The following VWA8 variants were observed in gnomAD, a reference collection of about 807,000 sequenced individuals.
The protein encoded by VWA8 is von Willebrand factor A domain-containing protein 8.
In VWA8, 221 loss-of-function variants were observed where a neutral mutation model predicts 241.5. The observed-to-expected ratio is 0.91, with a 90% CI of 0.82 to 1.02. VWA8 has a LOEUF of 1.02. VWA8 is among the 50% of genes least tolerant of loss of function. The probability of loss-of-function intolerance (pLI) is 0.00; values close to 1 mark genes in which losing one functional copy is unlikely to be tolerated. For missense variants in VWA8, 2,322 were observed against 2,328.7 expected (o/e 1.00, Z 0.06); for synonymous variants, 852 against 827.1 (o/e 1.03, Z -0.52).
chr13:41,955,806 G>A (rs1036623951), intron 1 of VWA8: 4 of 152,162 alleles, frequency 2.6e-5, no homozygotes, highest in Admixed American at 2.6e-4. Flanking sequence ...GTAACAAATA[G>A]ATGAGTCTTA....
At chr13:41,644,100 C>G (rs2044814824) in intron 37 of VWA8, among the ~76,000 whole-genome samples, 1 of 152,066 alleles carries the variant, frequency 6.6e-6, no homozygotes, top group African/African-American at 2.4e-5. Context: ...ACAATTTTAG[C>G]ATGGTAGCTG....
chr13:41,579,597 G>A (rs1191895820), intron 42 of VWA8, among the ~76,000 whole-genome samples: 2 of 152,182 alleles, frequency 1.3e-5, no homozygotes, highest in African/African-American at 4.8e-5. Flanking sequence ...ACAACATGGG[G>A]TAATATCTGT....
At chr13:41,870,325 A>G (rs1485640036) in intron 9 of VWA8, among the ~76,000 whole-genome samples, 1 of 152,134 alleles carries the variant, frequency 6.6e-6, no homozygotes, top group African/African-American at 2.4e-5. Flanking sequence ...GACCTACCCA[A>G]GTAATTAAAT....
At chr13:41,603,346 A>C (rs148212351) in intron 40 of VWA8, among the ~76,000 whole-genome samples, 2 of 152,260 alleles carry the variant, frequency 1.3e-5, no homozygotes, top group Middle Eastern at 3.4e-3. Flanking sequence ...GATTGTGAGA[A>C]GTCAGAGCAG....
chr13:41,721,701 T>C (rs1432161947), intron 24 of VWA8, 126 bp from the exon 25 acceptor site: 23 of 963,328 alleles, frequency 2.4e-5, no homozygotes, highest in Non-Finnish European at 2.9e-5. Context: ...CATCCAACAA[T>C]AGGATGGTAC....
intron 37 of VWA8, among the ~76,000 whole-genome samples, chr13:41,657,781 G>A (rs2044919146): frequency 1.3e-5 from 2 of 152,194 alleles, no homozygotes; most frequent in Admixed American, 6.5e-5. Flanking sequence ...GAGCCACCGC[G>A]CCCGGCCAAG....
chr13:41,589,179 A>AAG (rs1352548578), intron 41 of VWA8, among the ~76,000 whole-genome samples: 2 of 152,204 alleles, frequency 1.3e-5, no homozygotes, highest in East Asian at 3.8e-4. Context: ...AGAGCTCACC[A>AAG]AGAGACTCAA....
chr13:41,571,639 C>T (rs1444416417), intron 43 of VWA8, among the ~76,000 whole-genome samples: 4 of 152,232 alleles, frequency 2.6e-5, no homozygotes, highest in Non-Finnish European at 5.9e-5. Flanking sequence ...CGGAGTCTCG[C>T]TCACTCAGTG....
At chr13:41,869,211 C>A (rs555760686) in intron 9 of VWA8, among the ~76,000 whole-genome samples, 3 of 152,114 alleles carry the variant, frequency 2.0e-5, no homozygotes, top group African/African-American at 2.4e-5. Context: ...GAAAACAGAA[C>A]TTCTTGGCCA....
chr13:41,799,249 C>T (rs1355640325), intron 17 of VWA8, among the ~76,000 whole-genome samples: 1 of 152,142 alleles, frequency 6.6e-6, no homozygotes, highest in Non-Finnish European at 1.5e-5. Context: ...ATTTAGTGTA[C>T]TGATCTTGTA....
chr13:41,860,314 T>C (rs1487980309), intron 12 of VWA8, among the ~76,000 whole-genome samples: 1 of 152,240 alleles, frequency 6.6e-6, no homozygotes, highest in African/African-American at 2.4e-5. Context: ...CTCTACTGTT[T>C]CCCAATCTTT....
intron 42 of VWA8, among the ~76,000 whole-genome samples, chr13:41,577,638 G>A (rs1288743682): frequency 2.6e-5 from 4 of 152,198 alleles, no homozygotes; most frequent in Non-Finnish European, 5.9e-5. Context: ...GTAGTCAAGA[G>A]GGGAAAGTTC....
chr13:41,658,916 A>G (rs1566404969), intron 37 of VWA8, among the ~76,000 whole-genome samples: 1 of 152,152 alleles, frequency 6.6e-6, no homozygotes, highest in Admixed American at 6.6e-5. Flanking sequence ...CTACCAGCAA[A>G]TCCTGCAGAG....
chr13:41,776,555 ATTC>A (rs1462781933), intron 20 of VWA8, among the ~76,000 whole-genome samples: 1 of 152,200 alleles, frequency 6.6e-6, no homozygotes. Context: ...TCTAGTTTTA[ATTC>A]TTGTTTTAAA....
intron 29 of VWA8, 117 bp downstream of exon 29, chr13:41,698,954 C>A: frequency 7.2e-7 from 1 of 1,385,708 alleles, no homozygotes. Context: ...CTGACCCATC[C>A]CTCCAGCTCC....
At position 41,685,070 on chromosome 13, in the gene VWA8, G is replaced by A. The variant is rs369463458; in HGVS notation, c.4304C>T (p.Pro1435Leu). 32 of 1,613,200 alleles carry A rather than the reference G, an allele frequency of 2.0e-5. No individual in the cohort carries two copies. Among genetic ancestry groups the A allele is most frequent in the Non-Finnish European group, 2.6e-5 (31 of 1,179,638 alleles). ...VVRILPPGEV[P>L]LKDIYPKDVT... is the part of the protein sequence containing the mutation. ...ACCTTTTGGGTAGATATCTTTTAGA[G>A]GGACTTCTCCTGGGGGTAAAATCCT... The change falls in exon 35 of 45, where the codon CCT becomes CTT. Residue 1435 changes from proline (P) to leucine (L), a missense_variant. Transcript: ENST00000379310.
intron 43 of VWA8, among the ~76,000 whole-genome samples, chr13:41,573,818 C>A (rs534706743): frequency 6.6e-6 from 1 of 151,304 alleles, no homozygotes; most frequent in Non-Finnish European, 1.5e-5. Flanking sequence ...GATGGGATTT[C>A]GCCAGGTTGG....
intron 40 of VWA8, among the ~76,000 whole-genome samples, chr13:41,593,153 A>G (rs1369609958): frequency 4.6e-5 from 7 of 152,302 alleles, no homozygotes; most frequent in Middle Eastern, 3.4e-3. Flanking sequence ...GCACCACACA[A>G]TATAATTCTG....
At position 41,942,755 on chromosome 13, in the gene VWA8, GAGAGA is replaced by G. The variant is rs756714409; in HGVS notation, c.241+7176_241+7180del. 1.6e-4 allele frequency among the ~76,000 whole-genome samples: 24 copies of G among 152,298 alleles called. No homozygotes were observed. In the East Asian group the frequency reaches 4.4e-3, roughly 28 times the overall value. ...CATCCCACTAAAAGGCCAGTGGTAG[GAGAGA>G]AGAGGTGACAGAGATTCCTCCTAGG... On this transcript the variant is annotated intron_variant, in intron 2 of 44. Coordinates refer to ENST00000379310, the MANE Select transcript of VWA8 (RefSeq NM_015058.2).
Sources: gnomAD v4.1 joint callset for allele counts (sites outside exome capture counted in the v4.1 genomes callset) on GRCh38, gnomAD v4.1.1 for gene constraint, MANE v1.5 for transcripts, NCBI Gene and HGNC (gene_info 2026-07-23, HGNC 2026-07-21) for gene names.